Variants in PTPRT observed in about 807,000 individuals in gnomAD.
PTPRT encodes receptor-type tyrosine-protein phosphatase T.
A neutral mutation model predicts 176.8 loss-of-function variants in PTPRT; 56 were observed. The ratio of observed to expected loss-of-function variants is 0.32; its 90% CI spans 0.26 to 0.40. The LOEUF (loss-of-function observed/expected upper bound fraction) is 0.40, where lower values mean the gene tolerates loss of function less well. Ranked by LOEUF, PTPRT falls within the 10% of genes least tolerant of loss-of-function variation. PTPRT has a pLI of 1.00. For synonymous variants in PTPRT, 783 were observed against 739.0 expected (o/e 1.06, Z -0.96); for missense variants, 1,540 against 1,908.2 (o/e 0.81, Z 3.60).
chr20:43,004,882 T>C (rs959082423), intron 1 of PTPRT, among the ~76,000 whole-genome samples: 1 of 152,198 alleles, frequency 6.6e-6, no homozygotes, highest in African/African-American at 2.4e-5. Context: ...ATAGAAACCC[T>C]AATACATTTT....
chr20:42,421,209 A>T (rs2059115145), intron 9 of PTPRT, among the ~76,000 whole-genome samples: 1 of 152,214 alleles, frequency 6.6e-6, no homozygotes, highest in Non-Finnish European at 1.5e-5. Context: ...ACGTAATGAC[A>T]TGTGGTGTTT....
At chr20:42,710,451 C>A (rs1288059603) in intron 6 of PTPRT, among the ~76,000 whole-genome samples, 1 of 152,238 alleles carries the variant, frequency 6.6e-6, no homozygotes, top group Non-Finnish European at 1.5e-5. Context: ...CTCAAAGGGC[C>A]CCAGATACAG....
intron 11 of PTPRT, among the ~76,000 whole-genome samples, chr20:42,330,792 A>G (rs1294443037): frequency 6.6e-6 from 1 of 152,224 alleles, no homozygotes; most frequent in Non-Finnish European, 1.5e-5. Flanking sequence ...AACCAACAGA[A>G]GCAAGAACAA....
rs190560551 is a variant in PTPRT, at chr20:42,575,500, G to C, written c.1153+102366C>G. Among the ~76,000 whole-genome samples, 30 of 152,280 alleles carry C rather than the reference G, an allele frequency of 2.0e-4. No individual in the cohort carries two copies. In the East Asian group the frequency reaches 5.4e-3, roughly 27 times the overall value. ...AACACGCACCAACCTCCACAATCTA[G>C]GTGGCAACCTCAAATCTTTCTGTAA... On this transcript the variant is annotated intron_variant, in intron 7 of 30. Transcript: ENST00000373187.
intron 9 of PTPRT, among the ~76,000 whole-genome samples, chr20:42,371,474 C>G (rs899168336): frequency 6.6e-6 from 1 of 151,880 alleles, no homozygotes; most frequent in African/African-American, 2.4e-5. Context: ...ATTACTCATG[C>G]AATTTCACAT....
At chr20:43,182,336 C>T (rs929844482) in intron 1 of PTPRT, among the ~76,000 whole-genome samples, 4 of 151,546 alleles carry the variant, frequency 2.6e-5, no homozygotes, top group Non-Finnish European at 5.9e-5. Flanking sequence ...CATTCTTCCA[C>T]AGAAAAGGAT....
At chr20:42,755,522 T>A (rs1221831348) in intron 6 of PTPRT, among the ~76,000 whole-genome samples, 2 of 151,784 alleles carry the variant, frequency 1.3e-5, no homozygotes, top group African/African-American at 4.8e-5. Context: ...ATAACATTGG[T>A]AAAATGAGTA....
At chr20:43,061,836 G>A (rs142143121) in intron 1 of PTPRT, among the ~76,000 whole-genome samples, 179 of 152,218 alleles carry the variant, frequency 1.2e-3, no homozygotes, top group Non-Finnish European at 1.9e-3. Flanking sequence ...CCCACCCATC[G>A]TTATAATCGA....
At chr20:42,303,998 A>G (rs936573390) in intron 12 of PTPRT, among the ~76,000 whole-genome samples, 3 of 152,206 alleles carry the variant, frequency 2.0e-5, no homozygotes, top group African/African-American at 4.8e-5. Context: ...GTGTAGCCCA[A>G]TAAATTGCAT....
At chr20:42,940,867 G>A (rs1031117834) in intron 1 of PTPRT, among the ~76,000 whole-genome samples, 1 of 152,056 alleles carries the variant, frequency 6.6e-6, no homozygotes, top group Non-Finnish European at 1.5e-5. Flanking sequence ...GGATCACAAG[G>A]TCAGGAGTTC....
At chr20:42,700,566 G>T (rs564448957) in intron 6 of PTPRT, among the ~76,000 whole-genome samples, 2 of 152,322 alleles carry the variant, frequency 1.3e-5, no homozygotes, top group African/African-American at 4.8e-5. Context: ...TTATTACTCA[G>T]AAGAGACTGT....
intron 12 of PTPRT, among the ~76,000 whole-genome samples, chr20:42,288,704 T>C (rs1031210986): frequency 5.3e-5 from 8 of 152,054 alleles, no homozygotes; most frequent in African/African-American, 1.9e-4. Context: ...TTTTATTCTT[T>C]TTTATGGCTG....
chr20:42,340,445 T>G (rs1008510851), intron 11 of PTPRT, among the ~76,000 whole-genome samples: 1 of 152,184 alleles, frequency 6.6e-6, no homozygotes, highest in Non-Finnish European at 1.5e-5. Flanking sequence ...AACCACACAT[T>G]TTTTTGGCCC....
chr20:42,573,939 G>A (rs1346871330), intron 7 of PTPRT, among the ~76,000 whole-genome samples: 1 of 151,798 alleles, frequency 6.6e-6, no homozygotes, highest in African/African-American at 2.4e-5. Flanking sequence ...TAGTAGAGAC[G>A]GGGTTTCACC....
At chr20:43,051,023 T>C (rs549144097) in intron 1 of PTPRT, among the ~76,000 whole-genome samples, 2 of 152,286 alleles carry the variant, frequency 1.3e-5, no homozygotes, top group South Asian at 2.1e-4. Flanking sequence ...GTGACACAAA[T>C]CTAGAGCATC....
At chr20:43,128,510 T>C (rs1238621877) in intron 1 of PTPRT, among the ~76,000 whole-genome samples, 2 of 152,324 alleles carry the variant, frequency 1.3e-5, no homozygotes, top group African/African-American at 2.4e-5. Context: ...ACAACCACTA[T>C]GGGGGCCCCA....
intron 1 of PTPRT, among the ~76,000 whole-genome samples, chr20:43,181,914 G>A (rs2015268201): frequency 6.6e-6 from 1 of 152,178 alleles, no homozygotes; most frequent in Non-Finnish European, 1.5e-5. Flanking sequence ...TAAGAACCTG[G>A]TTTGAAGGAG....
At chr20:42,347,461 T>C (rs2058211578) in intron 11 of PTPRT, among the ~76,000 whole-genome samples, 1 of 152,112 alleles carries the variant, frequency 6.6e-6, no homozygotes. Context: ...CCTAGTGGTT[T>C]CATATCATCT....
intron 9 of PTPRT, among the ~76,000 whole-genome samples, chr20:42,386,979 C>T (rs1007791610): frequency 6.6e-6 from 1 of 152,238 alleles, no homozygotes. Flanking sequence ...CCATAATTGT[C>T]TGCATTCTGA....
Sources: allele counts gnomAD v4.1 joint callset (sites outside exome capture counted in the v4.1 genomes callset), GRCh38; gene constraint gnomAD v4.1.1; transcripts MANE v1.5; gene names NCBI Gene and HGNC (gene_info 2026-07-23, HGNC 2026-07-21).